NCR3LG1: variants seen among roughly 807,000 people sequenced by gnomAD.
NCR3LG1 encodes natural killer cell cytotoxicity receptor 3 ligand 1, also known as natural cytotoxicity triggering receptor 3 ligand 1.
In NCR3LG1, 35 loss-of-function variants were observed where a neutral mutation model predicts 34.8. The ratio of observed to expected loss-of-function variants is 1.01; its 90% CI spans 0.77 to 1.33. NCR3LG1 has a LOEUF of 1.33. Ranked by LOEUF, NCR3LG1 falls within the 40% of genes most tolerant of loss-of-function variation. The pLI is 0.00. For missense variants in NCR3LG1, 452 were observed against 423.3 expected, an observed-to-expected ratio of 1.07 and a Z score of -0.60; for synonymous variants, 173 against 163.6, an observed-to-expected ratio of 1.06 and a Z score of -0.44.
intron 1 of NCR3LG1, among the ~76,000 whole-genome samples, chr11:17,353,411 G>T (rs1421878325): frequency 6.6e-6 from 1 of 152,044 alleles, no homozygotes; most frequent in Non-Finnish European, 1.5e-5. Context: ...GACTTGAAAC[G>T]CCTGTCACTG....
chr11:17,364,309 C>T (rs1953320422), intron 2 of NCR3LG1, among the ~76,000 whole-genome samples: 2 of 152,046 alleles, frequency 1.3e-5, no homozygotes, highest in African/African-American at 4.8e-5. Flanking sequence ...ATTCTTGTGC[C>T]TCAGTCTCCT....
At chr11:17,360,375 C>T (rs1953256947) in intron 2 of NCR3LG1, among the ~76,000 whole-genome samples, 1 of 152,162 alleles carries the variant, frequency 6.6e-6, no homozygotes, top group Non-Finnish European at 1.5e-5. Context: ...TTTTGTAGAG[C>T]AGAAGTTCTT....
rs142005394 is a variant in NCR3LG1, at chr11:17,355,822, G to A, written c.71-829G>A. On this transcript the variant is annotated intron_variant, in intron 1 of 4. Transcript: ENST00000338965. ...TATTTATTTGTTTGTTTTTGAGACA[G>A]AGTCTCACTCTGTCACTCGGGCTAG... Among the ~76,000 whole-genome samples the A allele has an allele frequency of 1.0e-2, 1,518 of 152,240 alleles. 9 individuals carry two copies. Among genetic ancestry groups the A allele is most frequent in the Non-Finnish European group, 0.017 (1,143 of 68,002 alleles).
At chr11:17,369,107 G>A in intron 4 of NCR3LG1, 143 bp downstream of exon 4, 1 of 605,750 alleles carries the variant, frequency 1.7e-6, no homozygotes, top group Non-Finnish European at 2.9e-6. Context: ...TCAGGTGTTG[G>A]GAATGTTGGC....
At chr11:17,353,704 C>G (rs947761553) in intron 1 of NCR3LG1, among the ~76,000 whole-genome samples, 1 of 115,344 alleles carries the variant, frequency 8.7e-6, no homozygotes, top group African/African-American at 4.4e-5. Context: ...TGCGGCGGCG[C>G]CCAGTGACGG....
At chr11:17,360,037 C>T (rs947804098) in intron 2 of NCR3LG1, among the ~76,000 whole-genome samples, 14 of 152,108 alleles carry the variant, frequency 9.2e-5, no homozygotes, top group African/African-American at 3.4e-4. Flanking sequence ...TCCCAAGTAG[C>T]TAGGACTACA....
chr11:17,364,021 G>A (rs1455575680), intron 2 of NCR3LG1, among the ~76,000 whole-genome samples: 1 of 151,954 alleles, frequency 6.6e-6, no homozygotes, highest in Non-Finnish European at 1.5e-5. Context: ...CATTAATTTT[G>A]GAAAATTCTC....
At chr11:17,353,665 A>C (rs923741630) in intron 1 of NCR3LG1, among the ~76,000 whole-genome samples, 16 of 152,200 alleles carry the variant, frequency 1.1e-4, no homozygotes, top group African/African-American at 2.7e-4. Context: ...TTCTCAGGGA[A>C]GCGGAGAGGG....
chr11:17,358,643 T>C (rs997635692), intron 2 of NCR3LG1, among the ~76,000 whole-genome samples: 24 of 152,128 alleles, frequency 1.6e-4, no homozygotes, highest in Non-Finnish European at 2.9e-5. Context: ...ACACTTAAGG[T>C]TGGGGGTTAC....
chr11:17,360,223 A>G (rs1472977837), intron 2 of NCR3LG1, among the ~76,000 whole-genome samples: 1 of 152,096 alleles, frequency 6.6e-6, no homozygotes. Context: ...TTGTTTGCCT[A>G]TTTTTTAACT....
rs1953480310 is a variant in NCR3LG1 at position 17,376,686 on chromosome 11, C to A, written c.*4174C>A. The A allele has an allele frequency of 1.3e-5, 2 of 152,184 alleles. No individual in the cohort carries two copies. Among genetic ancestry groups the A allele is most frequent in the South Asian group, 4.1e-4 (2 of 4,832 alleles). 9.4% of individuals were successfully genotyped at this position (152,184 alleles called of 1,614,324 possible). A position where few individuals can be genotyped will look rare whatever the true frequency, so the allele number is the denominator to read the frequency against. ...ATTTCCTCCCTGGTGCCAGAAAACA[C>A]TTTCCCCAAAGATAAGCCTCACACC... On this transcript the variant is annotated 3_prime_UTR_variant, in exon 5 of 5. Coordinates refer to ENST00000338965, the MANE Select transcript of NCR3LG1 (RefSeq NM_001202439.3).
At position 17,372,474 on chromosome 11, in the gene NCR3LG1, T is replaced by G; in HGVS notation, c.1327T>G (p.Ser443Ala). Residue 443 changes from serine (S) to alanine (A), a missense_variant, in exon 5 of 5, where the codon TCC becomes GCC. Coordinates refer to ENST00000338965, the MANE Select transcript of NCR3LG1 (RefSeq NM_001202439.3). Reference protein sequence around the residue: ...PATTSTTPVLSSQPPTLLLPL... With the variant: ...PATTSTTPVLASQPPTLLLPL... The stretch of plus-strand genomic sequence containing the variant: ...CACAACATCAACAACTCCAGTTCTA[T>G]CCTCCCAACCCCCAACTTTACTGTT... The G allele has an allele frequency of 1.4e-6, 1 of 702,498 alleles. No homozygotes were observed. The highest frequency in any genetic ancestry group is 2.6e-6 in the Non-Finnish European group (1 of 384,736). The allele number at this position is 702,498 out of a possible 1,614,324, so 43.5% of individuals were successfully genotyped here.
At chr11:17,366,970 T>G (rs1343973151) in intron 2 of NCR3LG1, 39 bp from the exon 3 acceptor site, 4 of 1,454,352 alleles carry the variant, frequency 2.8e-6, no homozygotes, top group Non-Finnish European at 3.7e-6. Context: ...GATAAAAGGG[T>G]GCTGGGCCCA....
At chr11:17,381,399 C>CAA (rs1953512704), downstream of NCR3LG1, 2 of 152,620 alleles carry the variant, frequency 1.3e-5, no homozygotes, top group Non-Finnish European at 2.9e-5. Context: ...ACCCAGACAG[C>CAA]CTGCTCAAGA....
At chr11:17,352,680 A>G (rs1953152206) in intron 1 of NCR3LG1, among the ~76,000 whole-genome samples, 1 of 152,124 alleles carries the variant, frequency 6.6e-6, no homozygotes, top group Non-Finnish European at 1.5e-5. Context: ...AAATCAGGGA[A>G]TCGGTAAATT....
rs930679880 is a variant in NCR3LG1, at chr11:17,376,123, A to G, written c.*3611A>G. 8 of 152,220 alleles carry G rather than the reference A, an allele frequency of 5.3e-5. No homozygotes were observed. The highest frequency in any genetic ancestry group is 1.7e-4 in the African/African-American group (7 of 41,452). 9.4% of individuals were successfully genotyped at this position (152,220 alleles called of 1,614,324 possible). A position where few individuals can be genotyped will look rare whatever the true frequency, so the allele number is the denominator to read the frequency against. On this transcript the variant is annotated 3_prime_UTR_variant, in exon 5 of 5. Transcript: ENST00000338965. Reference sequence around the variant, plus strand: ...TTTAACAGATGACTTCTTCCCCACCACAATCAAAGGATGGGAAGTTACTCA... The same window carrying G: ...TTTAACAGATGACTTCTTCCCCACCGCAATCAAAGGATGGGAAGTTACTCA...
In NCR3LG1 at chr11:17,376,953, AGGCTCT is replaced by A; in HGVS notation, c.*4444_*4449del. On this transcript the variant is annotated 3_prime_UTR_variant, in exon 5 of 5. Transcript: ENST00000338965. ...GGTTGAAAGTCCTGCTGGGAATGGC[AGGCTCT>A]GGGTAACCACCCTGACACATGGCAC... 6.6e-6 allele frequency: 1 copy of A among 152,308 alleles called. No individual in the cohort carries two copies. Among genetic ancestry groups the A allele is most frequent in the Admixed American group, 6.5e-5 (1 of 15,294 alleles). 9.4% of individuals were successfully genotyped at this position (152,308 alleles called of 1,614,324 possible). A position where few individuals can be genotyped will look rare whatever the true frequency, so the allele number is the denominator to read the frequency against.
intron 1 of NCR3LG1, among the ~76,000 whole-genome samples, chr11:17,354,008 TTCG>T (rs1157003024): frequency 6.6e-6 from 1 of 152,216 alleles, no homozygotes; most frequent in African/African-American, 2.4e-5. Context: ...TACAAAGGAA[TTCG>T]TCAGATTTTA....
chr11:17,364,982 G>A (rs907013436), intron 2 of NCR3LG1, among the ~76,000 whole-genome samples: 4 of 152,108 alleles, frequency 2.6e-5, no homozygotes, highest in African/African-American at 9.7e-5. Context: ...CCATCTGTTT[G>A]TGCATGTTAT....
Sources: allele counts gnomAD v4.1 joint callset (sites outside exome capture counted in the v4.1 genomes callset), GRCh38; gene constraint gnomAD v4.1.1; transcripts MANE v1.5; gene names NCBI Gene and HGNC (gene_info 2026-07-23, HGNC 2026-07-21).